Variants in NR2C1 observed in about 807,000 individuals in gnomAD.
NR2C1 encodes the protein nuclear receptor subfamily 2 group C member 1.
Under a neutral mutation model 74.8 loss-of-function variants are expected in NR2C1, and 33 were observed. The ratio of observed to expected loss-of-function variants is 0.44; its 90% CI spans 0.33 to 0.59. The LOEUF (loss-of-function observed/expected upper bound fraction) is 0.59, where lower values mean the gene tolerates loss of function less well. Among genes scored for constraint, NR2C1 ranks in the 20% least tolerant of loss-of-function variants. The pLI, the probability that NR2C1 is intolerant of heterozygous loss-of-function variation, is 0.02. For synonymous variants in NR2C1, 225 were observed against 240.6 expected (o/e 0.94, Z 0.60); for missense variants, 568 against 715.6 (o/e 0.79, Z 2.35).
chr12:95,059,588 T>A (rs191070400), intron 4 of NR2C1, among the ~76,000 whole-genome samples: 2 of 149,536 alleles, frequency 1.3e-5, no homozygotes, highest in East Asian at 4.1e-4. Context: ...GGCATGCACC[T>A]TAGCCCCAGC....
At chr12:95,025,094 A>C (rs951907475) in intron 13 of NR2C1, 56 bp downstream of exon 13, 1 of 753,324 alleles carries the variant, frequency 1.3e-6, no homozygotes, top group African/African-American at 1.8e-5. Context: ...ATGAGATAAC[A>C]GATCCACAAA....
intron 4 of NR2C1, among the ~76,000 whole-genome samples, chr12:95,058,774 G>A (rs950695464): frequency 2.0e-5 from 3 of 152,014 alleles, no homozygotes; most frequent in African/African-American, 7.2e-5. Flanking sequence ...ACAGGCTTGC[G>A]CCACCACACC....
chr12:95,043,108 A>G (rs931585130), intron 9 of NR2C1, among the ~76,000 whole-genome samples: 16 of 152,122 alleles, frequency 1.1e-4, no homozygotes, highest in African/African-American at 3.1e-4. Flanking sequence ...TAAAAATAAA[A>G]AAATTAGCTG....
chr12:95,051,098 A>T (rs962810016), intron 8 of NR2C1, among the ~76,000 whole-genome samples: 1 of 152,184 alleles, frequency 6.6e-6, no homozygotes, highest in Non-Finnish European at 1.5e-5. Flanking sequence ...TTCAGTGAAA[A>T]CTTACTATGC....
chr12:95,022,510 G>C, intron 13 of NR2C1, 107 bp from the exon 14 acceptor site: 2 of 929,406 alleles, frequency 2.2e-6, no homozygotes, highest in Non-Finnish European at 3.3e-6. Context: ...AATAAAGATA[G>C]CATTTTCAAA....
chr12:95,021,916 T>C lies in NR2C1; in HGVS notation c.*313A>G, dbSNP rs1390255522. The C allele has an allele frequency of 5.6e-6, 1 of 178,342 alleles. No homozygotes were observed. The highest frequency in any genetic ancestry group is 2.4e-5 in the African/African-American group (1 of 42,438). 11.0% of individuals were successfully genotyped at this position (178,342 alleles called of 1,614,324 possible). ...AATTCAGAAAAAAGAGACTAATTTA[T>C]TTGTTTTATAAAATAGAATGAGCGC... On this transcript the variant is annotated 3_prime_UTR_variant, in exon 14 of 14. Coordinates refer to ENST00000333003, the MANE Select transcript of NR2C1 (RefSeq NM_003297.4).
Position 95,040,477 on chromosome 12 carries a change from C to A in NR2C1, c.1252G>T (p.Gly418Trp). ...TATTCAAGATTTCAAAACACTCACC[C>A]TAGAGCCTGGAAAGAAGGAATCGAA... ...ALSIPSFQAL[G>W]QENSISLVKA... The change falls in exon 10 of 14, where the codon GGG becomes TGG. Residue 418 changes from glycine (G) to tryptophan (W), a missense_variant and splice_region_variant. Transcript: ENST00000333003. 2.5e-6 allele frequency: 4 copies of A among 1,612,828 alleles called. No individual in the cohort carries two copies. The highest frequency in any genetic ancestry group is 3.4e-6 in the Non-Finnish European group (4 of 1,179,280).
intron 9 of NR2C1, among the ~76,000 whole-genome samples, chr12:95,045,349 G>A (rs1872180915): frequency 6.6e-6 from 1 of 152,282 alleles, no homozygotes; most frequent in East Asian, 1.9e-4. Flanking sequence ...TAACATATGG[G>A]CAATGGGAAG....
intron 8 of NR2C1, among the ~76,000 whole-genome samples, chr12:95,051,044 G>A (rs2136155247): frequency 1.3e-5 from 2 of 152,194 alleles, no homozygotes; most frequent in East Asian, 3.9e-4. Flanking sequence ...TTCACTTACT[G>A]ATTTTGTCAT....
chr12:95,043,486 C>CA (rs1871863576), intron 9 of NR2C1, among the ~76,000 whole-genome samples: 1 of 151,964 alleles, frequency 6.6e-6, no homozygotes, highest in Non-Finnish European at 1.5e-5. Context: ...GTCAGGAGTT[C>CA]AAGACCAGCC....
chr12:95,043,392 A>G (rs1382404384), intron 9 of NR2C1, among the ~76,000 whole-genome samples: 2 of 152,030 alleles, frequency 1.3e-5, no homozygotes, highest in Non-Finnish European at 2.9e-5. Flanking sequence ...ACAACAACAA[A>G]AAAGTCCTTT....
rs1312228807 is a variant in NR2C1, at chr12:95,037,915, A to AG, written c.1253+2560dup. Among the ~76,000 whole-genome samples the AG allele has an allele frequency of 5.6e-4, 84 of 150,114 alleles. 2 individuals are homozygous for AG. In the South Asian group the frequency reaches 0.013, roughly 24 times the overall value. On this transcript the variant is annotated intron_variant, in intron 10 of 13. Coordinates refer to ENST00000333003, the MANE Select transcript of NR2C1 (RefSeq NM_003297.4). ...ATCTCAAAAAAAAAAAAAAAAAAAAAGGAACCTAATGCCAGTTTCTACTTT... is the reference window on the plus strand; with the variant it reads ...ATCTCAAAAAAAAAAAAAAAAAAAAAGGGAACCTAATGCCAGTTTCTACTTT...
intron 9 of NR2C1, among the ~76,000 whole-genome samples, chr12:95,046,549 C>T (rs1565853262): frequency 2.0e-5 from 3 of 152,124 alleles, no homozygotes. Flanking sequence ...GATTATGCCA[C>T]TGCGCTCCAG....
chr12:95,071,913 T>A (rs1876693561), intron 1 of NR2C1, among the ~76,000 whole-genome samples: 1 of 151,190 alleles, frequency 6.6e-6, no homozygotes, highest in South Asian at 2.1e-4. Flanking sequence ...CACGCCCGAC[T>A]AATTTTGTAT....
intron 13 of NR2C1, among the ~76,000 whole-genome samples, chr12:95,024,492 T>TA (rs754193518): frequency 1.3e-5 from 2 of 152,214 alleles, no homozygotes; most frequent in African/African-American, 4.8e-5. Context: ...GTGGCTCTTA[T>TA]AAAAAAAGAA....
chr12:95,061,174 A>G (rs940781392), intron 3 of NR2C1, among the ~76,000 whole-genome samples: 1 of 152,218 alleles, frequency 6.6e-6, no homozygotes, highest in African/African-American at 2.4e-5. Context: ...AAAGTCTGAG[A>G]AACTGTCCTA....
At chr12:95,028,574 A>G (rs1452374217) in intron 11 of NR2C1, 50 bp from the exon 12 acceptor site, 1 of 1,255,300 alleles carries the variant, frequency 8.0e-7, no homozygotes, top group East Asian at 2.3e-5. Context: ...AAAATGAACA[A>G]CTACTTTCAT....
chr12:95,034,542 G>A (rs61430135), intron 10 of NR2C1, among the ~76,000 whole-genome samples: 3,159 of 152,208 alleles, frequency 0.021, 102 homozygotes, highest in African/African-American at 0.072. Context: ...ATCGAAAGTT[G>A]AAATGTGCAC....
chr12:95,064,152 A>G (rs1462945269), intron 2 of NR2C1, among the ~76,000 whole-genome samples: 1 of 151,126 alleles, frequency 6.6e-6, no homozygotes. Flanking sequence ...ACACAGTGAA[A>G]TCCCGTCTCT....
Sources: gnomAD v4.1 joint callset for allele counts (sites outside exome capture counted in the v4.1 genomes callset) on GRCh38, gnomAD v4.1.1 for gene constraint, MANE v1.5 for transcripts, NCBI Gene and HGNC (gene_info 2026-07-23, HGNC 2026-07-21) for gene names.